TMEM209: variants seen among roughly 807,000 people sequenced by gnomAD.
TMEM209 encodes the protein transmembrane protein 209.
Under a neutral mutation model 76.2 loss-of-function variants are expected in TMEM209, and 65 were observed. The ratio of observed to expected loss-of-function variants is 0.85; its 90% confidence interval spans 0.70 to 1.05. The LOEUF is 1.05. Among genes scored for constraint, TMEM209 ranks in the 50% least tolerant of loss-of-function variants. TMEM209 has a pLI of 0.00. For synonymous variants in TMEM209, 239 were observed against 237.6 expected, an observed-to-expected ratio of 1.01 and a Z score of -0.06; for missense variants, 623 against 685.5, an observed-to-expected ratio of 0.91 and a Z score of 1.02.
At chr7:130,194,221 C>T (rs548861620) in intron 5 of TMEM209, among the ~76,000 whole-genome samples, 21 of 149,992 alleles carry the variant, frequency 1.4e-4, no homozygotes, top group African/African-American at 4.7e-4. Context: ...AAGAAATATA[C>T]CACTGTGAGG....
At chr7:130,174,082 T>C in intron 11 of TMEM209, 143 bp from the exon 12 acceptor site, 1 of 583,258 alleles carries the variant, frequency 1.7e-6, no homozygotes. Flanking sequence ...TGCTGTCAAA[T>C]GGTTAGATTT....
rs567619655 is a variant in TMEM209 at position 130,182,549 on chromosome 7, T to G, written c.1024-830A>C. ...TACATTTGAAACTGGCTTTTGAATA[T>G]TACAATATTACTTTAGGACTGGGAC... On this transcript the variant is annotated intron_variant, in intron 8 of 14. Coordinates refer to ENST00000397622, the MANE Select transcript of TMEM209 (RefSeq NM_032842.4). Among the ~76,000 whole-genome samples the G allele has an allele frequency of 5.3e-5, 8 of 152,304 alleles. No homozygotes were observed. In the South Asian group the frequency reaches 1.7e-3, roughly 32 times the overall value.
At chr7:130,201,482 A>G (rs1443212699) in intron 5 of TMEM209, among the ~76,000 whole-genome samples, 2 of 152,202 alleles carry the variant, frequency 1.3e-5, no homozygotes, top group Non-Finnish European at 2.9e-5. Flanking sequence ...AGACACTCCA[A>G]CATGATAAAC....
rs1236834853 is a variant in TMEM209 at position 130,173,837 on chromosome 7, G to T, written c.1447C>A (p.Pro483Thr). Reference sequence around the variant, plus strand: ...GAGAGGTTTATACCTGGTTTATTTGGTGTCTGAACAAAGTGCTGAGAAGTA... The same window carrying T: ...GAGAGGTTTATACCTGGTTTATTTGTTGTCTGAACAAAGTGCTGAGAAGTA... ...TFTSQHFVQT[P>T]NKPDVTNENV... Residue 483 changes from proline (P) to threonine (T), a missense_variant, in exon 12 of 15, where the codon CCA (proline) becomes ACA (threonine). Coordinates refer to ENST00000397622, the MANE Select transcript of TMEM209 (RefSeq NM_032842.4). The T allele has an allele frequency of 1.9e-6, 3 of 1,613,294 alleles. No individual in the cohort carries two copies. In the Admixed American group the frequency reaches 5.0e-5, roughly 27 times the overall value.
At chr7:130,185,551 G>A (rs1478080558) in intron 6 of TMEM209, among the ~76,000 whole-genome samples, 184 bp from the exon 7 acceptor site, 1 of 152,110 alleles carries the variant, frequency 6.6e-6, no homozygotes, top group Non-Finnish European at 1.5e-5. Flanking sequence ...ATTTTAAATA[G>A]TATTTTCTGA....
At chr7:130,176,855 C>T (rs557930870) in intron 10 of TMEM209, among the ~76,000 whole-genome samples, 2 of 151,812 alleles carry the variant, frequency 1.3e-5, no homozygotes, top group Non-Finnish European at 2.9e-5. Flanking sequence ...TCTCATAACA[C>T]AGGAAATATT....
intron 14 of TMEM209, among the ~76,000 whole-genome samples, chr7:130,166,752 A>G (rs996777226): frequency 2.6e-5 from 4 of 152,182 alleles, no homozygotes; most frequent in African/African-American, 7.2e-5. Context: ...GTAAACAAGA[A>G]CTATTACACC....
At chr7:130,201,088 C>CAAAAAAA (rs869309249) in intron 5 of TMEM209, among the ~76,000 whole-genome samples, 5 of 74,168 alleles carry the variant, frequency 6.7e-5, no homozygotes, top group African/African-American at 2.4e-4. Context: ...GACTCTGTCT[C>CAAAAAAA]AAAAAAAAAA....
At position 130,202,638 on chromosome 7, in the gene TMEM209, G is replaced by A; in HGVS notation, c.225C>T (p.Ser75=). 6.2e-7 allele frequency: 1 copy of A among 1,613,554 alleles called. No individual in the cohort carries two copies. The highest frequency in any genetic ancestry group is 8.5e-7 in the Non-Finnish European group (1 of 1,179,738). ...YIELALASLF[S]LNALFDFWRY... ...TCCAAAAATCAAATAAGGCATTAAG[G>A]CTGAAGAGAGATGCAAGGGCAAGCT... The change falls in exon 4 of 15, where the codon AGC becomes AGT. Residue 75 remains serine, a synonymous_variant. Transcript: ENST00000397622.
intron 14 of TMEM209, among the ~76,000 whole-genome samples, chr7:130,168,585 A>G (rs1196354346): frequency 6.6e-6 from 1 of 152,220 alleles, no homozygotes; most frequent in Non-Finnish European, 1.5e-5. Flanking sequence ...AAAATTTGAC[A>G]TGGGAGAATG....
Position 130,202,585 on chromosome 7 carries a change from G to A in TMEM209, c.278C>T (p.Thr93Ile). The A allele has an allele frequency of 6.2e-7, 1 of 1,613,760 alleles. No homozygotes were observed. The highest frequency in any genetic ancestry group is 1.3e-5 in the African/African-American group (1 of 75,038). The stretch of plus-strand genomic sequence containing the variant: ...CTGTCCAGGACTAACAACCAGACTT[G>A]TTGGTGCCACAGTATATTTGAAATA... ...WRYFKYTVAP[T>I]SLVVSPGQQT... Residue 93 changes from threonine (T) to isoleucine (I), a missense_variant, in exon 4 of 15, where the codon ACA (threonine) becomes ATA (isoleucine). Physicochemically the swap from Thr to Ile is moderately conservative, Grantham distance 89. Transcript: ENST00000397622.
chr7:130,177,560 T>C (rs1331557245), intron 10 of TMEM209, among the ~76,000 whole-genome samples: 1 of 151,942 alleles, frequency 6.6e-6, no homozygotes, highest in Non-Finnish European at 1.5e-5. Flanking sequence ...GGGAGGCTTA[T>C]CTTTTAGTGA....
chr7:130,196,326 CTTT>C (rs66615411), intron 5 of TMEM209, among the ~76,000 whole-genome samples: 1 of 143,616 alleles, frequency 7.0e-6, no homozygotes. Context: ...CAATTTTTGG[CTTT>C]TTTTTTTTTT....
chr7:130,167,663 A>G (rs1158379849), intron 14 of TMEM209, among the ~76,000 whole-genome samples: 1 of 152,192 alleles, frequency 6.6e-6, no homozygotes, highest in African/African-American at 2.4e-5. Flanking sequence ...CAGAACATGT[A>G]AGTCACTGTG....
rs750877998 is a variant in TMEM209, at chr7:130,192,617, T to C, written c.775+5A>G. On this transcript the variant is annotated splice_donor_5th_base_variant and intron_variant, in intron 6 of 14. Transcript: ENST00000397622. Reference sequence around the variant, plus strand: ...TATAGTAGATATACAGAAATATATATGTACCCAGCTTAACCCTATGCTGTT... The same window carrying C: ...TATAGTAGATATACAGAAATATATACGTACCCAGCTTAACCCTATGCTGTT... 3.1e-6 allele frequency: 5 copies of C among 1,612,552 alleles called. No homozygotes were observed. The highest frequency in any genetic ancestry group is 4.2e-6 in the Non-Finnish European group (5 of 1,179,108).
chr7:130,186,065 T>C (rs1057512683), intron 6 of TMEM209, among the ~76,000 whole-genome samples: 12 of 152,286 alleles, frequency 7.9e-5, no homozygotes, highest in African/African-American at 2.6e-4. Flanking sequence ...GCATTTTTTT[T>C]CCCTAGCATC....
intron 6 of TMEM209, among the ~76,000 whole-genome samples, chr7:130,190,000 G>C (rs74664411): frequency 2.0e-5 from 3 of 152,100 alleles, no homozygotes; most frequent in Admixed American, 6.5e-5. Context: ...AAGGTGGCGC[G>C]GGCAGGGGGA....
intron 5 of TMEM209, among the ~76,000 whole-genome samples, chr7:130,201,278 C>T (rs2117035871): frequency 6.6e-6 from 1 of 152,012 alleles, no homozygotes; most frequent in South Asian, 2.1e-4. Context: ...TTTTATGCTT[C>T]AAGAAGGAGT....
chr7:130,188,615 A>G (rs1003845334), intron 6 of TMEM209, among the ~76,000 whole-genome samples: 59 of 150,580 alleles, frequency 3.9e-4, no homozygotes, highest in African/African-American at 1.4e-3. Flanking sequence ...AAAAAAAAAA[A>G]AAAAAGAAAA....
Sources: allele counts gnomAD v4.1 joint callset (sites outside exome capture counted in the v4.1 genomes callset), GRCh38; gene constraint gnomAD v4.1.1; transcripts MANE v1.5; gene names NCBI Gene and HGNC (gene_info 2026-07-23, HGNC 2026-07-21).